The following PRKG2 variants were observed in gnomAD, a reference collection of about 807,000 sequenced individuals.
PRKG2 encodes the protein protein kinase cGMP-dependent 2.
Under a neutral mutation model 97.2 loss-of-function variants are expected in PRKG2, and 33 were observed. That is an observed-to-expected ratio of 0.34 (90% CI 0.26 to 0.45). The LOEUF (loss-of-function observed/expected upper bound fraction) is 0.45. PRKG2 is among the 20% of genes least tolerant of loss of function. The pLI, the probability that PRKG2 is intolerant of heterozygous loss-of-function variation, is 1.00. For missense variants in PRKG2, 638 were observed against 900.0 expected, an observed-to-expected ratio of 0.71 and a Z score of 3.73; for synonymous variants, 330 against 321.8, an observed-to-expected ratio of 1.03 and a Z score of -0.27.
chr4:81,177,667 T>G (rs13144007), intron 2 of PRKG2, among the ~76,000 whole-genome samples: 1 of 152,036 alleles, frequency 6.6e-6, no homozygotes, highest in African/African-American at 2.4e-5. Flanking sequence ...GCCACTGCAC[T>G]CCAGCCTGAG....
rs769858245 is a variant in PRKG2 at position 81,148,888 on chromosome 4, G to T, written c.1150C>A (p.Arg384=). Residue 384 remains arginine (R), a synonymous_variant, in exon 9 of 19, where the codon CGA becomes AGA. Transcript: ENST00000264399. ...ENDVACLVID[R]ETFNQTVGTF... is the part of the protein sequence containing the mutation. ...CTCCAACATCAGTATACTCACTCTCGATCTATAACCAGGCATGCAACATCA... is the reference window on the plus strand; with the variant it reads ...CTCCAACATCAGTATACTCACTCTCTATCTATAACCAGGCATGCAACATCA... 1 of 1,613,484 alleles carries T rather than the reference G, an allele frequency of 6.2e-7. No homozygotes were observed. Among genetic ancestry groups the T allele is most frequent in the Non-Finnish European group, 8.5e-7 (1 of 1,179,564 alleles).
chr4:81,184,120 T>C (rs1196349110), intron 2 of PRKG2, among the ~76,000 whole-genome samples: 1 of 152,164 alleles, frequency 6.6e-6, no homozygotes, highest in African/African-American at 2.4e-5. Flanking sequence ...GCAGCGTATC[T>C]CCCAGCACAG....
intron 6 of PRKG2, among the ~76,000 whole-genome samples, chr4:81,158,568 G>A (rs1280798221): frequency 6.6e-6 from 1 of 152,052 alleles, no homozygotes; most frequent in South Asian, 2.1e-4. Context: ...AGCTACCAAT[G>A]ACTTTCTTCA....
chr4:81,151,120 T>C (rs1414567524), intron 8 of PRKG2, among the ~76,000 whole-genome samples: 6 of 152,084 alleles, frequency 3.9e-5, no homozygotes, highest in Non-Finnish European at 7.4e-5. Context: ...TGGGGTTTCA[T>C]AGGCAAAGGT....
intron 2 of PRKG2, among the ~76,000 whole-genome samples, chr4:81,176,665 C>T (rs1487385820): frequency 2.0e-5 from 3 of 152,130 alleles, no homozygotes; most frequent in Non-Finnish European, 4.4e-5. Flanking sequence ...CAAAAGTGTG[C>T]TAAGTTTAAG....
chr4:81,088,801 CA>C lies in PRKG2; in HGVS notation c.*906del, dbSNP rs1166904861. ...TAATAGCAACTATCACAGAATTTTT[CA>C]AAATACCTCAGATTTTCAAAGAGTC... On this transcript the variant is annotated 3_prime_UTR_variant, in exon 19 of 19. Coordinates refer to ENST00000264399, the MANE Select transcript of PRKG2 (RefSeq NM_006259.3). The C allele has an allele frequency of 6.6e-6, 1 of 152,130 alleles. No individual in the cohort carries two copies. Among genetic ancestry groups the C allele is most frequent in the African/African-American group, 2.4e-5 (1 of 41,432 alleles). 9.4% of individuals were successfully genotyped at this position (152,130 alleles called of 1,614,324 possible).
intron 4 of PRKG2, among the ~76,000 whole-genome samples, chr4:81,170,722 G>T (rs1374599494): frequency 6.6e-6 from 1 of 151,982 alleles, no homozygotes; most frequent in East Asian, 1.9e-4. Context: ...CAAATCTAAA[G>T]AAAAGCAAGT....
At chr4:81,170,048 C>T (rs1231529692) in intron 4 of PRKG2, among the ~76,000 whole-genome samples, 1 of 151,874 alleles carries the variant, frequency 6.6e-6, no homozygotes, top group Non-Finnish European at 1.5e-5. Flanking sequence ...TTGCAATTCC[C>T]AATTATGCAC....
At chr4:81,211,784 G>A (rs1753988036) in intron 1 of PRKG2, among the ~76,000 whole-genome samples, 1 of 152,114 alleles carries the variant, frequency 6.6e-6, no homozygotes, top group African/African-American at 2.4e-5. Flanking sequence ...ATTGCCATAT[G>A]AGATTCAATA....
chr4:81,130,531 C>A (rs1746069985), intron 14 of PRKG2, among the ~76,000 whole-genome samples: 1 of 152,158 alleles, frequency 6.6e-6, no homozygotes, highest in African/African-American at 2.4e-5. Flanking sequence ...CTGGGAGATC[C>A]CCTCCTCTCT....
chr4:81,187,947 A>G (rs555124624), intron 2 of PRKG2, among the ~76,000 whole-genome samples: 5 of 152,304 alleles, frequency 3.3e-5, no homozygotes, highest in Admixed American at 2.0e-4. Flanking sequence ...ATTACCATTC[A>G]GGACATAGGC....
At chr4:81,108,461 T>C (rs1253236787) in intron 15 of PRKG2, among the ~76,000 whole-genome samples, 1 of 151,164 alleles carries the variant, frequency 6.6e-6, no homozygotes, top group Non-Finnish European at 1.5e-5. Flanking sequence ...AACTTATTTA[T>C]ATATTAACAC....
Position 81,190,462 on chromosome 4 carries a change from A to G in PRKG2, c.461+14125T>C, listed in dbSNP as rs113303946. On this transcript the variant is annotated intron_variant, in intron 2 of 18. Transcript: ENST00000264399. ...TAACTCAAGATGCATTAAAGACTTA[A>G]ATATAAGACCTAAAACCATAAAAAC... Among the ~76,000 whole-genome samples the G allele has an allele frequency of 7.6e-3, 1,158 of 152,332 alleles. 15 individuals carry two copies. Among genetic ancestry groups the G allele is most frequent in the African/African-American group, 0.026 (1,092 of 41,562 alleles).
intron 17 of PRKG2, among the ~76,000 whole-genome samples, chr4:81,098,462 G>A (rs1309370517): frequency 7.2e-5 from 11 of 151,972 alleles, no homozygotes; most frequent in Admixed American, 7.2e-4. Flanking sequence ...TTGACTAATT[G>A]GCACAGGAGG....
chr4:81,212,280 T>C (rs1235514545), intron 1 of PRKG2, among the ~76,000 whole-genome samples: 1 of 151,954 alleles, frequency 6.6e-6, no homozygotes, highest in Non-Finnish European at 1.5e-5. Context: ...CTCTTTAAAG[T>C]GCCTCCCTCC....
At chr4:81,109,642 T>C (rs1349136050) in intron 15 of PRKG2, among the ~76,000 whole-genome samples, 1 of 152,164 alleles carries the variant, frequency 6.6e-6, no homozygotes, top group Non-Finnish European at 1.5e-5. Flanking sequence ...ATAATAAAAA[T>C]GTAAATCATA....
At chr4:81,140,129 G>A (rs1241053543) in intron 12 of PRKG2, among the ~76,000 whole-genome samples, 1 of 152,178 alleles carries the variant, frequency 6.6e-6, no homozygotes, top group Non-Finnish European at 1.5e-5. Flanking sequence ...ATAGAGAATA[G>A]AGGAGTGGTT....
At chr4:81,214,085 C>A (rs1362779341) in intron 1 of PRKG2, among the ~76,000 whole-genome samples, 7 of 136,038 alleles carry the variant, frequency 5.1e-5, no homozygotes, top group South Asian at 2.5e-4. Context: ...AGAAAAGAGA[C>A]AATTTCTAAG....
intron 17 of PRKG2, among the ~76,000 whole-genome samples, chr4:81,102,058 C>A (rs918033193): frequency 6.6e-6 from 1 of 152,138 alleles, no homozygotes; most frequent in Non-Finnish European, 1.5e-5. Flanking sequence ...ACCGAAGACA[C>A]CGTAAATTTG....
Sources: allele counts gnomAD v4.1 joint callset (sites outside exome capture counted in the v4.1 genomes callset), GRCh38; gene constraint gnomAD v4.1.1; transcripts MANE v1.5; gene names NCBI Gene and HGNC (gene_info 2026-07-23, HGNC 2026-07-21).